The following UGT2B4 variants were observed in gnomAD, a reference collection of about 807,000 sequenced individuals.
UGT2B4 encodes the protein UDP-glucuronosyltransferase 2B4.
UGT2B4 carries 49 observed loss-of-function variants against 49.8 expected under a neutral mutation model. The observed-to-expected ratio is 0.98, with a 90% CI of 0.78 to 1.25. The LOEUF (loss-of-function observed/expected upper bound fraction) is 1.25, where lower values mean the gene tolerates loss of function less well. UGT2B4 is among the 50% of genes most tolerant of loss of function. The pLI, the probability that UGT2B4 is intolerant of heterozygous loss-of-function variation, is 0.00. For missense variants in UGT2B4, 729 were observed against 627.7 expected (o/e 1.16, Z -1.73); for synonymous variants, 246 against 217.7 (o/e 1.13, Z -1.14).
chr4:69,480,930 G>T lies in UGT2B4; in HGVS notation c.1311-20C>A, dbSNP rs1447513230. The T allele has an allele frequency of 6.2e-7, 1 of 1,608,570 alleles. No homozygotes were observed. The highest frequency in any genetic ancestry group is 8.5e-7 in the Non-Finnish European group (1 of 1,176,116). ...TTATATCTAAACGATAAGCAGAAAA[G>T]TATCAACATTGAAAGTAAGTTAATT... is the stretch of plus-strand genomic sequence containing the variant. On this transcript the variant is annotated intron_variant, in intron 5 of 5. Coordinates refer to ENST00000305107, the MANE Select transcript of UGT2B4 (RefSeq NM_021139.3).
intron 5 of UGT2B4, among the ~76,000 whole-genome samples, chr4:69,483,866 G>A (rs1377271649): frequency 6.6e-6 from 1 of 152,006 alleles, no homozygotes; most frequent in Non-Finnish European, 1.5e-5. Flanking sequence ...AAATGTTAGT[G>A]CACCAAGAAC....
intron 1 of UGT2B4, among the ~76,000 whole-genome samples, chr4:69,513,887 A>T (rs1728667828): frequency 6.6e-6 from 1 of 152,086 alleles, no homozygotes; most frequent in African/African-American, 2.4e-5. Context: ...CCTGCTGTTG[A>T]TGCATAAGAA....
Position 69,523,390 on chromosome 4 carries a change from C to T in UGT2B4, c.-106+2297G>A, listed in dbSNP as rs1332753840. 2.0e-5 allele frequency among the ~76,000 whole-genome samples: 3 copies of T among 152,068 alleles called. No individual in the cohort carries two copies. In the East Asian group the frequency reaches 5.8e-4, roughly 29 times the overall value. ...GCAAAATAGATGTAATGTTATCAGG[C>T]ATGAAAATAACATTAATCTCCTTGT... On this transcript the variant is annotated intron_variant, in intron 1 of 1. Coordinates refer to the UGT2B4 transcript ENST00000510114.
Position 69,485,120 on chromosome 4 carries a change from C to G in UGT2B4, c.1310+88G>C, listed in dbSNP as rs375905895. On this transcript the variant is annotated intron_variant, in intron 5 of 5. Transcript: ENST00000305107. ...TCACTTAAATTCTTTCGAAATCAGTCGCTTATAAAAAGGATAAAAGTCATA... is the reference window on the plus strand; with the variant it reads ...TCACTTAAATTCTTTCGAAATCAGTGGCTTATAAAAAGGATAAAAGTCATA... 134 of 1,444,800 alleles carry G rather than the reference C, an allele frequency of 9.3e-5. 2 individuals carry two copies. In the East Asian group the frequency reaches 1.5e-3, roughly 16 times the overall value. The allele number at this position is 1,444,800 out of a possible 1,614,324, so 89.5% of individuals were successfully genotyped here.
At position 69,480,362 on chromosome 4, in the gene UGT2B4, G is replaced by T; in HGVS notation, c.*272C>A. ...TTTTTTTTCATGTAACCTGTGAATT[G>T]GAACAATAAATTTCAATATAAGCTC... On this transcript the variant is annotated 3_prime_UTR_variant, in exon 6 of 6. Coordinates refer to ENST00000305107, the MANE Select transcript of UGT2B4 (RefSeq NM_021139.3). 1 of 339,336 alleles carries T rather than the reference G, an allele frequency of 2.9e-6. No individual in the cohort carries two copies. Among genetic ancestry groups the T allele is most frequent in the Non-Finnish European group, 5.2e-6 (1 of 190,922 alleles). 21.0% of individuals were successfully genotyped at this position (339,336 alleles called of 1,614,324 possible).
chr4:69,499,092 C>G (rs1205408633), upstream of UGT2B4, among the ~76,000 whole-genome samples: 1 of 152,136 alleles, frequency 6.6e-6, no homozygotes, highest in African/African-American at 2.4e-5. Flanking sequence ...GAAAGAACTT[C>G]TTGATTTCTG....
At position 69,493,663 on chromosome 4, in the gene UGT2B4, AAGCAGACAAAACAAACAGTAAT is replaced by A; in HGVS notation, c.870+8_870+29del. 2 of 1,588,156 alleles carry A rather than the reference AAGCAGACAAAACAAACAGTAAT, an allele frequency of 1.3e-6. No individual in the cohort carries two copies. Among genetic ancestry groups the A allele is most frequent in the Non-Finnish European group, 1.7e-6 (2 of 1,172,550 alleles). On this transcript the variant is annotated splice_region_variant and intron_variant, in intron 2 of 5. Transcript: ENST00000305107. ...TAGAACCATTCGTACTGAAACTTCA[AAGCAGACAAAACAAACAGTAAT>A]AGTTTACCTTCGGTAGGGGTTTGGC...
intron 1 of UGT2B4, among the ~76,000 whole-genome samples, chr4:69,494,437 C>T (rs534971386): frequency 1.3e-5 from 2 of 152,012 alleles, no homozygotes; most frequent in Middle Eastern, 3.4e-3. Context: ...CTTGTTGAAA[C>T]AGAAATTTGC....
intron 1 of UGT2B4, among the ~76,000 whole-genome samples, chr4:69,513,184 C>T (rs1304824729): frequency 6.6e-6 from 1 of 152,118 alleles, no homozygotes; most frequent in Non-Finnish European, 1.5e-5. Flanking sequence ...GCAGTATTCC[C>T]TAGATTTTCT....
intron 1 of UGT2B4, among the ~76,000 whole-genome samples, chr4:69,514,539 G>A (rs1334827150): frequency 6.6e-6 from 1 of 152,170 alleles, no homozygotes; most frequent in African/African-American, 2.4e-5. Context: ...TCTTGGGCTG[G>A]TTTTCAAAGG....
intron 1 of UGT2B4, among the ~76,000 whole-genome samples, chr4:69,524,283 G>A (rs1908405): frequency 1 from 152,179 of 152,186 alleles, 76,086 homozygotes; most frequent in Middle Eastern, 1. Flanking sequence ...AATAATTTCC[G>A]ACTTTTGATT....
At chr4:69,522,445 A>G (rs1728869743) in intron 1 of UGT2B4, among the ~76,000 whole-genome samples, 1 of 152,234 alleles carries the variant, frequency 6.6e-6, no homozygotes, top group Non-Finnish European at 1.5e-5. Flanking sequence ...AAACTCAATC[A>G]CACAAATGGT....
In UGT2B4 at chr4:69,495,857, G is replaced by A. The variant is rs370125678; in HGVS notation, c.5C>T (p.Ser2Phe). The A allele has an allele frequency of 1.2e-4, 192 of 1,588,748 alleles. No homozygotes were observed. Among genetic ancestry groups the A allele is most frequent in the Non-Finnish European group, 1.5e-4 (175 of 1,170,740 alleles). Residue 2 changes from serine to phenylalanine, a missense_variant, in exon 1 of 6, where the codon TCT becomes TTT. Physicochemically the swap from Ser to Phe is radical, Grantham distance 155. Transcript: ENST00000305107. Reference sequence around the variant, plus strand: ...CAGAAGAGCTGAAGTCCATTTCATAGACATCCTGATGCAATGCAATGCTTG... The same window carrying A: ...CAGAAGAGCTGAAGTCCATTTCATAAACATCCTGATGCAATGCAATGCTTG... The part of the protein sequence containing the change: M[S>F]MKWTSALLLI...
chr4:69,500,663 A>G (rs1047412787), upstream of UGT2B4, among the ~76,000 whole-genome samples: 3 of 117,764 alleles, frequency 2.5e-5, no homozygotes, highest in Non-Finnish European at 6.5e-5. Flanking sequence ...GAAAGAAAGA[A>G]AGAAAGGAAG....
In UGT2B4 at chr4:69,523,306, A is replaced by C. The variant is rs553008695; in HGVS notation, c.-106+2381T>G. 2.0e-5 allele frequency among the ~76,000 whole-genome samples: 3 copies of C among 152,178 alleles called. No homozygotes were observed. In the South Asian group the frequency reaches 6.2e-4, roughly 32 times the overall value. On this transcript the variant is annotated intron_variant, in intron 1 of 1. Transcript: ENST00000510114. ...AATTTAAGATAGCAATATCCTTAAA[A>C]AATGTATTTCTTAAATGATAAAACT...
intron 1 of UGT2B4, chr4:69,518,461 A>G (rs551116548): frequency 2.0e-5 from 3 of 152,332 alleles, no homozygotes; most frequent in Admixed American, 2.0e-4. Flanking sequence ...CAGAGTTAAA[A>G]TGACAATTTA....
chr4:69,523,399 A>G (rs564130831), intron 1 of UGT2B4, among the ~76,000 whole-genome samples: 17 of 152,278 alleles, frequency 1.1e-4, no homozygotes, highest in Admixed American at 8.5e-4. Flanking sequence ...GCATGAAAAT[A>G]ACATTAATCT....
At chr4:69,513,141 A>T (rs1728649149) in intron 1 of UGT2B4, among the ~76,000 whole-genome samples, 1 of 152,126 alleles carries the variant, frequency 6.6e-6, no homozygotes, top group African/African-American at 2.4e-5. Flanking sequence ...GGGTGTTTTC[A>T]TCATAAAATC....
chr4:69,485,530 A>G (rs1727756100), intron 4 of UGT2B4, 103 bp from the exon 5 acceptor site: 2 of 1,492,650 alleles, frequency 1.3e-6, no homozygotes, highest in African/African-American at 1.4e-5. Context: ...AACACACTGA[A>G]CTGAATTAAA....
Sources: allele counts gnomAD v4.1 joint callset (sites outside exome capture counted in the v4.1 genomes callset), GRCh38; gene constraint gnomAD v4.1.1; transcripts MANE v1.5; gene names NCBI Gene and HGNC (gene_info 2026-07-23, HGNC 2026-07-21).